The following GLRA3 variants were observed in gnomAD, a reference collection of about 807,000 sequenced individuals.
GLRA3 encodes glycine receptor alpha 3, also known as glycine receptor subunit alpha-3.
A neutral mutation model predicts 60.4 loss-of-function variants in GLRA3; 44 were observed. The ratio of observed to expected loss-of-function variants is 0.73; its 90% CI spans 0.57 to 0.94. The LOEUF (loss-of-function observed/expected upper bound fraction) is 0.94. GLRA3 is among the 40% of genes least tolerant of loss of function. GLRA3 has a pLI of 0.00. For missense variants in GLRA3, 508 were observed against 564.6 expected, an observed-to-expected ratio of 0.90 and a Z score of 1.02; for synonymous variants, 223 against 192.9, an observed-to-expected ratio of 1.16 and a Z score of -1.29.
intron 7 of GLRA3, among the ~76,000 whole-genome samples, chr4:174,670,260 T>C (rs895516889): frequency 6.6e-6 from 1 of 152,204 alleles, no homozygotes; most frequent in African/African-American, 2.4e-5. Context: ...AGTGAAGGTT[T>C]TGTGCTTCTA....
intron 3 of GLRA3, among the ~76,000 whole-genome samples, chr4:174,741,046 A>G (rs908008348): frequency 2.0e-5 from 3 of 152,296 alleles, no homozygotes; most frequent in African/African-American, 7.2e-5. Flanking sequence ...ACACTTGTGT[A>G]TGGGATTTTA....
rs544482415 is a variant in GLRA3 at position 174,691,540 on chromosome 4, C to T, written c.575-8601G>A. Among the ~76,000 whole-genome samples the T allele has an allele frequency of 2.1e-3, 323 of 152,076 alleles. 1 individual carries two copies. The highest frequency in any genetic ancestry group is 7.0e-3 in the African/African-American group (288 of 41,328). On this transcript the variant is annotated intron_variant, in intron 5 of 9. Transcript: ENST00000274093. ...GAGTGCCTGCGATTGCAGGCGCGCG[C>T]GCCGCCACGCCTGACTGGTTTTCGT... is the stretch of plus-strand genomic sequence containing the variant.
chr4:174,695,410 C>A (rs1421791445), intron 5 of GLRA3, among the ~76,000 whole-genome samples: 1 of 152,118 alleles, frequency 6.6e-6, no homozygotes, highest in Non-Finnish European at 1.5e-5. Context: ...AGGCTTCATT[C>A]CCAGGATGCA....
intron 7 of GLRA3, among the ~76,000 whole-genome samples, chr4:174,664,653 T>C (rs1196267097): frequency 2.6e-5 from 4 of 152,202 alleles, no homozygotes; most frequent in African/African-American, 7.2e-5. Context: ...CCCTCAGCGA[T>C]ATCCTTGACA....
Position 174,642,235 on chromosome 4 carries a change from T to C in GLRA3, c.*1551A>G, listed in dbSNP as rs1252660141. On this transcript the variant is annotated 3_prime_UTR_variant, in exon 10 of 10. Transcript: ENST00000274093. ...TTGTAAAGGTTTTAGTTTTAAATGG[T>C]AGTTTTTGCTTTTAATTTGAAAGTG... is the stretch of plus-strand genomic sequence containing the variant. 3 of 903,226 alleles carry C rather than the reference T, an allele frequency of 3.3e-6. No homozygotes were observed. The highest frequency in any genetic ancestry group is 1.0e-4 in the South Asian group (2 of 19,576). The allele number at this position is 903,226 out of a possible 1,614,324, so 56.0% of individuals were successfully genotyped here.
In GLRA3 at chr4:174,642,106, G is replaced by C. The variant is rs1428835342; in HGVS notation, c.*1680C>G. 2 of 890,268 alleles carry C rather than the reference G, an allele frequency of 2.2e-6. No individual in the cohort carries two copies. The highest frequency in any genetic ancestry group is 2.7e-6 in the Non-Finnish European group (2 of 743,490). 55.1% of individuals were successfully genotyped at this position (890,268 alleles called of 1,614,324 possible). Reference sequence around the variant, plus strand: ...AGTGTTGTTTTAAGTTACTTATAAAGGAGGGGAACTTGGTCTTTTACTAGC... The same window carrying C: ...AGTGTTGTTTTAAGTTACTTATAAACGAGGGGAACTTGGTCTTTTACTAGC... On this transcript the variant is annotated 3_prime_UTR_variant, in exon 10 of 10. Coordinates refer to ENST00000274093, the MANE Select transcript of GLRA3 (RefSeq NM_006529.4).
At chr4:174,700,643 C>T (rs1482224475) in intron 5 of GLRA3, among the ~76,000 whole-genome samples, 2 of 152,178 alleles carry the variant, frequency 1.3e-5, no homozygotes, top group Non-Finnish European at 2.9e-5. Context: ...AGGCGTCTGG[C>T]ACCTAAGAGT....
intron 2 of GLRA3, among the ~76,000 whole-genome samples, chr4:174,769,350 A>G (rs1200807343): frequency 6.6e-6 from 1 of 152,094 alleles, no homozygotes; most frequent in East Asian, 1.9e-4. Context: ...CATTAATATG[A>G]CAAGGTAGAT....
chr4:174,808,663 A>G (rs1740143822), intron 1 of GLRA3, among the ~76,000 whole-genome samples: 1 of 152,040 alleles, frequency 6.6e-6, no homozygotes, highest in Non-Finnish European at 1.5e-5. Flanking sequence ...AGTTCCACAC[A>G]TGTTATCCCT....
At chr4:174,734,040 T>G (rs976282942) in intron 3 of GLRA3, among the ~76,000 whole-genome samples, 6 of 152,120 alleles carry the variant, frequency 3.9e-5, no homozygotes, top group African/African-American at 1.4e-4. Context: ...GGCCGGTAAT[T>G]GGAGATGGTA....
chr4:174,778,555 C>T (rs34741542), intron 2 of GLRA3, among the ~76,000 whole-genome samples: 31,685 of 151,962 alleles, frequency 0.21, 3,906 homozygotes, highest in Non-Finnish European at 0.29. Context: ...TGCATTTCCA[C>T]CTGAGGTACC....
intron 9 of GLRA3, among the ~76,000 whole-genome samples, chr4:174,656,371 A>G (rs1733205270): frequency 6.6e-6 from 1 of 152,136 alleles, no homozygotes; most frequent in East Asian, 1.9e-4. Flanking sequence ...GTTTGTATAA[A>G]TAAATTTTCC....
intron 1 of GLRA3, among the ~76,000 whole-genome samples, chr4:174,807,576 A>T (rs1740100718): frequency 6.6e-6 from 1 of 152,148 alleles, no homozygotes; most frequent in Non-Finnish European, 1.5e-5. Context: ...GCTTAAATAG[A>T]GAATTGTCTA....
intron 5 of GLRA3, among the ~76,000 whole-genome samples, chr4:174,690,189 T>G (rs546425881): frequency 3.3e-5 from 5 of 152,318 alleles, no homozygotes; most frequent in Non-Finnish European, 5.9e-5. Context: ...ATAACTTTAT[T>G]TGTATATTTG....
intron 9 of GLRA3, among the ~76,000 whole-genome samples, chr4:174,650,199 T>C (rs1409168613): frequency 6.6e-6 from 1 of 152,170 alleles, no homozygotes; most frequent in African/African-American, 2.4e-5. Context: ...CTGCTTTCTA[T>C]TATTAAAAAA....
chr4:174,766,176 T>C (rs554883020), intron 3 of GLRA3, among the ~76,000 whole-genome samples: 1 of 152,156 alleles, frequency 6.6e-6, no homozygotes, highest in East Asian at 1.9e-4. Context: ...ATATCATCTT[T>C]TAGTTAATAT....
Position 174,751,542 on chromosome 4 carries a change from T to C in GLRA3, c.267+15421A>G, listed in dbSNP as rs551829399. 5.3e-5 allele frequency among the ~76,000 whole-genome samples: 8 copies of C among 152,234 alleles called. No individual in the cohort carries two copies. In the South Asian group the frequency reaches 1.7e-3, roughly 32 times the overall value. ...CATACAAAAATAAAAGAGAATATAG[T>C]TTGATCTCCAGTTTATAAGTATTAC... On this transcript the variant is annotated intron_variant, in intron 3 of 9. Coordinates refer to ENST00000274093, the MANE Select transcript of GLRA3 (RefSeq NM_006529.4).
intron 3 of GLRA3, among the ~76,000 whole-genome samples, chr4:174,739,260 A>T (rs1024572319): frequency 6.6e-6 from 1 of 152,192 alleles, no homozygotes; most frequent in Non-Finnish European, 1.5e-5. Flanking sequence ...AAGGAATGAG[A>T]AGGAAATTCT....
At chr4:174,659,341 G>T in intron 7 of GLRA3, 144 bp from the exon 8 acceptor site, 1 of 640,844 alleles carries the variant, frequency 1.6e-6, no homozygotes, top group Non-Finnish European at 2.5e-6. Context: ...TTTTCTTGAA[G>T]TTTCCTTAGT....
Sources: gnomAD v4.1 joint callset for allele counts (sites outside exome capture counted in the v4.1 genomes callset) on GRCh38, gnomAD v4.1.1 for gene constraint, MANE v1.5 for transcripts, NCBI Gene and HGNC (gene_info 2026-07-23, HGNC 2026-07-21) for gene names.